The following CREBBP variants were observed in gnomAD, a reference collection of about 807,000 sequenced individuals.
CREBBP encodes the protein CREB-binding protein.
CREBBP carries 19 observed loss-of-function variants against 265.0 expected under a neutral mutation model. That is an observed-to-expected ratio of 0.07 (90% CI 0.05 to 0.11). CREBBP has a LOEUF of 0.11. Ranked by LOEUF, CREBBP falls within the 10% of genes least tolerant of loss-of-function variation. CREBBP has a pLI of 1.00. For synonymous variants in CREBBP, 1,457 were observed against 1,223.7 expected (o/e 1.19, Z -3.98); for missense variants, 2,525 against 3,219.0 (o/e 0.78, Z 5.22).
intron 2 of CREBBP, among the ~76,000 whole-genome samples, chr16:3,832,652 A>G (rs1358842991): frequency 6.6e-6 from 1 of 152,236 alleles, no homozygotes; most frequent in Non-Finnish European, 1.5e-5. Flanking sequence ...GTGTATCTAA[A>G]CATAGAAAAG....
At chr16:3,866,626 G>T (rs1330990204) in intron 1 of CREBBP, among the ~76,000 whole-genome samples, 3 of 151,188 alleles carry the variant, frequency 2.0e-5, no homozygotes, top group Non-Finnish European at 2.9e-5. Context: ...TTTTCACTAT[G>T]AAAGTAAATA....
chr16:3,752,112 C>A (rs2052487762), intron 19 of CREBBP, among the ~76,000 whole-genome samples: 2 of 152,106 alleles, frequency 1.3e-5, no homozygotes, highest in Non-Finnish European at 2.9e-5. Flanking sequence ...ACATCACAGG[C>A]CATCATCACT....
intron 14 of CREBBP, among the ~76,000 whole-genome samples, chr16:3,769,648 C>T (rs1185598476): frequency 6.6e-6 from 1 of 152,120 alleles, no homozygotes; most frequent in Non-Finnish European, 1.5e-5. Flanking sequence ...CATGAAATCT[C>T]ATATTTTGAA....
chr16:3,868,100 C>T (rs535600716), intron 1 of CREBBP, among the ~76,000 whole-genome samples: 2 of 152,204 alleles, frequency 1.3e-5, no homozygotes, highest in South Asian at 4.1e-4. Context: ...TGGCTACGCA[C>T]AGTCCATCTC....
intron 3 of CREBBP, among the ~76,000 whole-genome samples, chr16:3,807,909 T>A (rs1053642733): frequency 6.6e-6 from 1 of 152,144 alleles, no homozygotes; most frequent in African/African-American, 2.4e-5. Context: ...CACAGCCCCA[T>A]CTGATCTGTG....
chr16:3,824,678 G>A lies in CREBBP; in HGVS notation c.799-13899C>T, dbSNP rs373534456. 9.2e-5 allele frequency among the ~76,000 whole-genome samples: 14 copies of A among 152,270 alleles called. 1 individual carries two copies. In the East Asian group the frequency reaches 1.5e-3, roughly 17 times the overall value. ...CGCCTTTGCCTCACCGAGCCCACACGCGGCGGCAGCAGCACGCCTAGGCTG... is the reference window on the plus strand; with the variant it reads ...CGCCTTTGCCTCACCGAGCCCACACACGGCGGCAGCAGCACGCCTAGGCTG... On this transcript the variant is annotated intron_variant, in intron 2 of 30. Transcript: ENST00000262367.
chr16:3,784,712 T>C (rs913626634), intron 5 of CREBBP, among the ~76,000 whole-genome samples: 1 of 152,224 alleles, frequency 6.6e-6, no homozygotes, highest in Non-Finnish European at 1.5e-5. Context: ...AAACCCTTTA[T>C]TGACTTCTTC....
At chr16:3,794,609 A>C (rs2053572679) in intron 3 of CREBBP, among the ~76,000 whole-genome samples, 2 of 152,236 alleles carry the variant, frequency 1.3e-5, no homozygotes, top group Non-Finnish European at 2.9e-5. Context: ...CCACTCAGAC[A>C]GCTGACAATT....
intron 2 of CREBBP, among the ~76,000 whole-genome samples, chr16:3,821,438 C>A (rs755104478): frequency 1.6e-4 from 25 of 152,208 alleles, no homozygotes; most frequent in Non-Finnish European, 3.4e-4. Context: ...TCCATCCCCA[C>A]TGCCCAGTGA....
chr16:3,781,152 C>G (rs2141246675), intron 7 of CREBBP, 52 bp downstream of exon 7: 2 of 1,488,508 alleles, frequency 1.3e-6, no homozygotes, highest in Non-Finnish European at 1.9e-6. Flanking sequence ...TTGTGTGGTT[C>G]TCAGTCCATG....
At chr16:3,857,605 C>A (rs898336633) in intron 1 of CREBBP, among the ~76,000 whole-genome samples, 5 of 152,160 alleles carry the variant, frequency 3.3e-5, no homozygotes, top group African/African-American at 1.2e-4. Flanking sequence ...CTAAGGTTCA[C>A]GATTGACAGC....
chr16:3,756,850 G>A (rs1334748628), intron 19 of CREBBP, among the ~76,000 whole-genome samples: 2 of 152,102 alleles, frequency 1.3e-5, no homozygotes, highest in East Asian at 1.9e-4. Flanking sequence ...AACTTCAGAC[G>A]CTTGCTTCTA....
intron 1 of CREBBP, among the ~76,000 whole-genome samples, chr16:3,853,676 C>G (rs2054901357): frequency 6.6e-6 from 1 of 151,884 alleles, no homozygotes; most frequent in Non-Finnish European, 1.5e-5. Flanking sequence ...GTAGCTCATG[C>G]CTGTAATCCC....
intron 21 of CREBBP, 132 bp from the exon 22 acceptor site, chr16:3,745,486 T>C: frequency 1.3e-6 from 1 of 763,810 alleles, no homozygotes; most frequent in Non-Finnish European, 2.3e-6. Flanking sequence ...AATGCGTGTG[T>C]TGGCTGATTC....
At position 3,740,493 on chromosome 16, in the gene CREBBP, G is replaced by T; in HGVS notation, c.4039C>A (p.Arg1347=). ...HLEDRVNKFL[R]RQNHPEAGEV... ...CCGGCTTCAGGGTGATTCTGGCGCC[G>T]CAAAAATTTGTTCACTCGGTCTTCC... The change falls in exon 24 of 31, where the codon CGG becomes AGG. Residue 1347 remains arginine (R), a synonymous_variant. Coordinates refer to ENST00000262367, the MANE Select transcript of CREBBP (RefSeq NM_004380.3). 1 of 1,614,160 alleles carries T rather than the reference G, an allele frequency of 6.2e-7. No individual in the cohort carries two copies.
rs898332584 is a variant in CREBBP at position 3,729,945 on chromosome 16, C to T, written c.5173-71G>A. On this transcript the variant is annotated intron_variant, in intron 30 of 30. Transcript: ENST00000262367. ...GTACCACCAGGCATCCTGGCTGCTTCCCTCCACCGCTAAGTCTGGGTCTGT... is the reference window on the plus strand; with the variant it reads ...GTACCACCAGGCATCCTGGCTGCTTTCCTCCACCGCTAAGTCTGGGTCTGT... 8 of 1,573,526 alleles carry T rather than the reference C, an allele frequency of 5.1e-6. No homozygotes were observed. In the Admixed American group the frequency reaches 9.2e-5, roughly 18 times the overall value.
intron 26 of CREBBP, 185 bp from the exon 27 acceptor site, chr16:3,737,000 CT>C (rs2052078097): frequency 1.4e-6 from 1 of 704,530 alleles, no homozygotes; most frequent in Admixed American, 2.2e-5. Flanking sequence ...AAATGCAAGC[CT>C]GCAAATTAGC....
intron 23 of CREBBP, 88 bp from the exon 24 acceptor site, chr16:3,740,637 G>A: frequency 1.4e-6 from 2 of 1,454,324 alleles, no homozygotes; most frequent in Non-Finnish European, 1.9e-6. Flanking sequence ...CCACTTTGCA[G>A]CACAGGCTGA....
chr16:3,872,082 C>A (rs2055311274), intron 1 of CREBBP, among the ~76,000 whole-genome samples: 1 of 152,156 alleles, frequency 6.6e-6, no homozygotes, highest in Admixed American at 6.5e-5. Context: ...ATATCCAAAT[C>A]TTTCTTAAGG....
Sources: allele counts gnomAD v4.1 joint callset (sites outside exome capture counted in the v4.1 genomes callset), GRCh38; gene constraint gnomAD v4.1.1; transcripts MANE v1.5; gene names NCBI Gene and HGNC (gene_info 2026-07-23, HGNC 2026-07-21).